Variants in GATAD1 observed in about 807,000 individuals in gnomAD.
GATAD1 encodes GATA zinc finger domain containing 1, also known as GATA zinc finger domain-containing protein 1.
GATAD1 carries 12 observed loss-of-function variants against 26.5 expected under a neutral mutation model. That is an observed-to-expected ratio of 0.45 (90% CI 0.29 to 0.73). The LOEUF (loss-of-function observed/expected upper bound fraction) is 0.73, where lower values mean the gene tolerates loss of function less well. GATAD1 is among the 30% of genes least tolerant of loss of function. The pLI, the probability that GATAD1 is intolerant of heterozygous loss-of-function variation, is 0.10. For synonymous variants in GATAD1, 129 were observed against 133.1 expected, an observed-to-expected ratio of 0.97 and a Z score of 0.21; for missense variants, 266 against 342.1, an observed-to-expected ratio of 0.78 and a Z score of 1.75.
At chr7:92,484,433 T>A in the GATAD1 span, among the ~76,000 whole-genome samples, 1 of 151,282 alleles carries the variant, frequency 6.6e-6, no homozygotes. Context: ...AAGGCAGGTG[T>A]CCCCACCGTG....
intron 2 of GATAD1, chr7:92,449,459 C>A: frequency 2.1e-6 from 2 of 968,606 alleles, no homozygotes; most frequent in Non-Finnish European, 2.5e-6. Flanking sequence ...ATTTTTATTG[C>A]AATTAAATTC....
At chr7:92,476,437 CT>C in the GATAD1 span, among the ~76,000 whole-genome samples, 1 of 152,160 alleles carries the variant, frequency 6.6e-6, no homozygotes, top group African/African-American at 2.4e-5. Flanking sequence ...TGCTTTCGGC[CT>C]ATGCTCTTAT....
At chr7:92,488,683 C>G in the GATAD1 span, among the ~76,000 whole-genome samples, 9 of 151,786 alleles carry the variant, frequency 5.9e-5, no homozygotes, top group Admixed American at 1.3e-4. Flanking sequence ...ACATTAGAAT[C>G]ACTTTCAACT....
downstream of GATAD1, among the ~76,000 whole-genome samples, chr7:92,464,850 G>C (rs1023240616): frequency 2.0e-5 from 3 of 152,196 alleles, no homozygotes; most frequent in Non-Finnish European, 2.9e-5. Flanking sequence ...CCAGCATGTT[G>C]ATGCCCTGAG....
At chr7:92,481,049 G>T in the GATAD1 span, among the ~76,000 whole-genome samples, 1 of 152,182 alleles carries the variant, frequency 6.6e-6, no homozygotes, top group Non-Finnish European at 1.5e-5. Flanking sequence ...TTGCTGAGAG[G>T]TAGTGGAGGG....
chr7:92,487,430 C>G, the GATAD1 span: 1 of 1,292,014 alleles, frequency 7.7e-7, no homozygotes, highest in Non-Finnish European at 1.1e-6. Flanking sequence ...AAAAACTTAA[C>G]AGAACCAAAT....
chr7:92,459,796 A>G lies in GATAD1; in HGVS notation c.*3234A>G, dbSNP rs1789850890. Among the ~76,000 whole-genome samples the G allele has an allele frequency of 6.6e-6, 1 of 152,152 alleles. No homozygotes were observed. The highest frequency in any genetic ancestry group is 2.1e-4 in the South Asian group (1 of 4,818). On this transcript the variant is annotated 3_prime_UTR_variant, in exon 5 of 5. Coordinates refer to ENST00000287957, the MANE Select transcript of GATAD1 (RefSeq NM_021167.5). The stretch of plus-strand genomic sequence containing the variant: ...TACTCATCTTTGTAACTTCCACATA[A>G]CCTAACCCCGGTTCTTGCTTATGGG...
chr7:92,485,948 C>T, the GATAD1 span, among the ~76,000 whole-genome samples: 1 of 152,172 alleles, frequency 6.6e-6, no homozygotes, highest in African/African-American at 2.4e-5. Context: ...ATATTTGTGT[C>T]CTATGTGAAT....
chr7:92,452,386 G>A (rs773290479), intron 3 of GATAD1, among the ~76,000 whole-genome samples: 7 of 152,246 alleles, frequency 4.6e-5, no homozygotes, highest in Non-Finnish European at 1.0e-4. Context: ...CAGCACCATG[G>A]TGGCAAGTTC....
downstream of GATAD1, among the ~76,000 whole-genome samples, chr7:92,463,267 T>C (rs907683928): frequency 2.0e-5 from 3 of 152,130 alleles, no homozygotes; most frequent in African/African-American, 7.2e-5. Flanking sequence ...ATTTTCGGTT[T>C]GGAGTGATTT....
the GATAD1 span, among the ~76,000 whole-genome samples, chr7:92,486,199 C>T: frequency 6.6e-6 from 1 of 152,180 alleles, no homozygotes; most frequent in East Asian, 1.9e-4. Flanking sequence ...AAGTCCACAC[C>T]CAGGAGAGAA....
chr7:92,475,367 G>A, the GATAD1 span: 23,823 of 152,150 alleles, frequency 0.16, 1,907 homozygotes, highest in African/African-American at 0.17. Context: ...CTTTAGTCCT[G>A]GAGTGTCCTC....
chr7:92,492,133 ACAAGATAAAC>A, the GATAD1 span, among the ~76,000 whole-genome samples: 1 of 152,210 alleles, frequency 6.6e-6, no homozygotes, highest in African/African-American at 2.4e-5. Flanking sequence ...TACAGAAAGT[ACAAGATAAAC>A]CAAGAATATT....
Position 92,457,162 on chromosome 7 carries a change from A to G in GATAD1, c.*600A>G, listed in dbSNP as rs1025297577. 8.4e-3 allele frequency: 880 copies of G among 104,812 alleles called. 13 individuals carry two copies. Among genetic ancestry groups the G allele is most frequent in the African/African-American group, 0.02 (584 of 29,346 alleles). 6.5% of individuals were successfully genotyped at this position (104,812 alleles called of 1,614,324 possible). A position where few individuals can be genotyped will look rare whatever the true frequency, so the allele number is the denominator to read the frequency against. Reference sequence around the variant, plus strand: ...CAACAGAGTGAGACTCTTGTCTCGGAAAAAAAAAAAAAAAAAAAAGGCTGG... The same window carrying G: ...CAACAGAGTGAGACTCTTGTCTCGGGAAAAAAAAAAAAAAAAAAAGGCTGG... On this transcript the variant is annotated 3_prime_UTR_variant, in exon 5 of 5. Transcript: ENST00000287957.
At chr7:92,494,536 T>C in the GATAD1 span, 1 of 1,614,016 alleles carries the variant, frequency 6.2e-7, no homozygotes, top group South Asian at 1.1e-5. Context: ...GGTTAACTAC[T>C]CGGTCTGTAA....
At chr7:92,448,061 C>CGGGCTGGCTGGGAGCGG in intron 1 of GATAD1, 83 bp downstream of exon 1, 4 of 1,057,996 alleles carry the variant, frequency 3.8e-6, no homozygotes, top group Non-Finnish European at 4.8e-6. Flanking sequence ...AGCGGGCGGG[C>CGGGCTGGCTGGGAGCGG]GCGGGCTTCC....
downstream of GATAD1, among the ~76,000 whole-genome samples, chr7:92,463,693 G>A (rs1490414451): frequency 6.7e-6 from 1 of 150,168 alleles, no homozygotes; most frequent in Non-Finnish European, 1.5e-5. Flanking sequence ...TGATACCTGG[G>A]TGCGGTGGCT....
the GATAD1 span, chr7:92,489,414 A>C: frequency 1.9e-6 from 3 of 1,613,140 alleles, no homozygotes; most frequent in Non-Finnish European, 2.5e-6. Context: ...TGGTTCATGG[A>C]TTCGTCCTCC....
intron 3 of GATAD1, among the ~76,000 whole-genome samples, chr7:92,451,946 T>C (rs1324057873): frequency 1.3e-5 from 2 of 152,252 alleles, no homozygotes; most frequent in East Asian, 3.8e-4. Context: ...TTCCTGGCTC[T>C]ACAGCTTTAG....
Sources: gnomAD v4.1 joint callset for allele counts (sites outside exome capture counted in the v4.1 genomes callset) on GRCh38, gnomAD v4.1.1 for gene constraint, MANE v1.5 for transcripts, NCBI Gene and HGNC (gene_info 2026-07-23, HGNC 2026-07-21) for gene names.